KCNN3: variants seen among roughly 807,000 people sequenced by gnomAD.
KCNN3 encodes small conductance calcium-activated potassium channel protein 3.
A neutral mutation model predicts 62.9 loss-of-function variants in KCNN3; 16 were observed. That is an observed-to-expected ratio of 0.25 (90% CI 0.17 to 0.39). The LOEUF is 0.39. Ranked by LOEUF, KCNN3 falls within the 10% of genes least tolerant of loss-of-function variation. The pLI is 1.00. For synonymous variants in KCNN3, 370 were observed against 389.2 expected, an observed-to-expected ratio of 0.95 and a Z score of 0.58; for missense variants, 599 against 949.4, an observed-to-expected ratio of 0.63 and a Z score of 4.85.
chr1:154,850,235 C>T (rs938419377), intron 1 of KCNN3, among the ~76,000 whole-genome samples: 1 of 152,210 alleles, frequency 6.6e-6, no homozygotes, highest in African/African-American at 2.4e-5. Context: ...TCACAAAACT[C>T]CTCCAAGGCA....
chr1:154,815,470 G>A (rs778869348), intron 2 of KCNN3, among the ~76,000 whole-genome samples: 35 of 152,126 alleles, frequency 2.3e-4, no homozygotes, highest in African/African-American at 3.9e-4. Context: ...TCCCTCCTCC[G>A]TGGCCACTTG....
At chr1:154,860,583 T>A (rs76749863) in intron 1 of KCNN3, among the ~76,000 whole-genome samples, 3 of 152,138 alleles carry the variant, frequency 2.0e-5, no homozygotes, top group African/African-American at 7.2e-5. Context: ...ACTTCCTTTT[T>A]ACTCACACAG....
intron 3 of KCNN3, among the ~76,000 whole-genome samples, chr1:154,735,925 C>T (rs1700703615): frequency 6.6e-6 from 1 of 152,226 alleles, no homozygotes; most frequent in Admixed American, 6.5e-5. Flanking sequence ...AAGGCAGCTC[C>T]ACGCCACAAG....
chr1:154,799,613 G>A (rs12737434), intron 2 of KCNN3, among the ~76,000 whole-genome samples: 68,405 of 152,006 alleles, frequency 0.45, 16,522 homozygotes, highest in East Asian at 0.7. Context: ...GGAATTTGCT[G>A]GAAATGCCCT....
intron 5 of KCNN3, among the ~76,000 whole-genome samples, chr1:154,718,838 T>G (rs1450860448): frequency 2.0e-5 from 3 of 152,204 alleles, no homozygotes; most frequent in Non-Finnish European, 4.4e-5. Context: ...ACTTAAAACA[T>G]TAGCACAGAT....
At chr1:154,732,070 C>T (rs1557947000) in intron 4 of KCNN3, among the ~76,000 whole-genome samples, 1 of 152,218 alleles carries the variant, frequency 6.6e-6, no homozygotes, top group African/African-American at 2.4e-5. Context: ...GGCCGCTTCT[C>T]GTTTTCAAAG....
chr1:154,772,601 G>T lies in KCNN3; in HGVS notation c.1030-208C>A, dbSNP rs892528072. On this transcript the variant is annotated intron_variant, in intron 2 of 7. Coordinates refer to ENST00000271915, the MANE Select transcript of KCNN3 (RefSeq NM_002249.6). This position sits in a 1 kb window ranked among gnomAD's most constrained non-coding sequence, Gnocchi z 5.6. The stretch of plus-strand genomic sequence containing the variant: ...GATTCAGTCTACCTGGGAAGCCCTG[G>T]CTAAGACACTTTGACTCTCTTGGCC... 3.3e-5 allele frequency among the ~76,000 whole-genome samples: 5 copies of T among 152,222 alleles called. No individual in the cohort carries two copies.
chr1:154,757,228 A>G (rs1015172089), intron 3 of KCNN3, among the ~76,000 whole-genome samples: 1 of 152,182 alleles, frequency 6.6e-6, no homozygotes, highest in Admixed American at 6.5e-5. Flanking sequence ...GAAACTAACT[A>G]TTGCTTTTAT....
Position 154,701,810 on chromosome 1 carries a change from G to A in KCNN3, c.*6166C>T, listed in dbSNP as rs1699859246. The A allele has an allele frequency of 6.6e-6, 1 of 152,156 alleles. No individual in the cohort carries two copies. The highest frequency in any genetic ancestry group is 2.4e-5 in the African/African-American group (1 of 41,424). 9.4% of individuals were successfully genotyped at this position (152,156 alleles called of 1,614,324 possible). ...TGGGCCTTGTGTAGTTTGGAAAGCC[G>A]ACCCCGGTTTCACGTACATGGAGAA... is the stretch of plus-strand genomic sequence containing the variant. On this transcript the variant is annotated 3_prime_UTR_variant, in exon 8 of 8. Coordinates refer to ENST00000271915, the MANE Select transcript of KCNN3 (RefSeq NM_002249.6).
intron 2 of KCNN3, among the ~76,000 whole-genome samples, chr1:154,817,233 T>G (rs1018253268): frequency 6.6e-6 from 1 of 152,110 alleles, no homozygotes; most frequent in African/African-American, 2.4e-5. Context: ...AAGAAGCATT[T>G]AATAGGGACT....
intron 1 of KCNN3, among the ~76,000 whole-genome samples, chr1:154,856,582 TCTC>T (rs1199336201): frequency 6.6e-6 from 1 of 152,054 alleles, no homozygotes; most frequent in East Asian, 1.9e-4. Context: ...CTAGGATGCT[TCTC>T]CTCACCTGCA....
intron 2 of KCNN3, among the ~76,000 whole-genome samples, chr1:154,777,170 G>A (rs1342096382): frequency 6.6e-6 from 1 of 152,090 alleles, no homozygotes; most frequent in Admixed American, 6.6e-5. Flanking sequence ...CAATCCCCAA[G>A]GTACCTCCTG....
chr1:154,727,786 A>G lies in KCNN3; in HGVS notation c.1591-1760T>C, dbSNP rs989456728. ...TCAATTTAGCCATGCCTCCAAAAGCAAAAAATAGCTTAAAAGAAGCCATCC... is the reference window on the plus strand; with the variant it reads ...TCAATTTAGCCATGCCTCCAAAAGCGAAAAATAGCTTAAAAGAAGCCATCC... On this transcript the variant is annotated intron_variant, in intron 4 of 7. Transcript: ENST00000271915. 5.3e-5 allele frequency among the ~76,000 whole-genome samples: 8 copies of G among 152,350 alleles called. No individual in the cohort carries two copies. In the East Asian group the frequency reaches 1.5e-3, roughly 29 times the overall value.
intron 3 of KCNN3, among the ~76,000 whole-genome samples, chr1:154,749,649 G>A (rs1471073767): frequency 2.0e-5 from 3 of 152,190 alleles, no homozygotes; most frequent in African/African-American, 7.2e-5. Flanking sequence ...CTCAGCAGAG[G>A]TTGCAAAGTA....
intron 5 of KCNN3, among the ~76,000 whole-genome samples, chr1:154,724,312 T>A (rs1264928209): frequency 2.0e-5 from 3 of 152,338 alleles, no homozygotes; most frequent in East Asian, 3.9e-4. Context: ...TTGTCTCTAT[T>A]TCTAACACAT....
intron 1 of KCNN3, among the ~76,000 whole-genome samples, chr1:154,853,698 C>A (rs1414108258): frequency 2.6e-5 from 4 of 152,148 alleles, no homozygotes; most frequent in Admixed American, 6.5e-5. Context: ...AATCCCAGCA[C>A]TTTGGGAGGG....
At chr1:154,838,848 G>A (rs12131447) in intron 1 of KCNN3, among the ~76,000 whole-genome samples, 15,501 of 152,118 alleles carry the variant, frequency 0.1, 861 homozygotes, top group South Asian at 0.12. Context: ...CACAGTGCCT[G>A]GAATGTGAGA....
chr1:154,737,591 G>C (rs1054848050), intron 3 of KCNN3, among the ~76,000 whole-genome samples: 1 of 152,032 alleles, frequency 6.6e-6, no homozygotes, highest in Admixed American at 6.6e-5. Context: ...CATTCACAGA[G>C]AGAACTCTTG....
intron 1 of KCNN3, among the ~76,000 whole-genome samples, chr1:154,842,322 C>A (rs1651866895): frequency 6.6e-6 from 1 of 152,094 alleles, no homozygotes; most frequent in Admixed American, 6.5e-5. Context: ...GTTCAGGCAC[C>A]CACAGAGCCC....
Sources: allele counts gnomAD v4.1 joint callset (sites outside exome capture counted in the v4.1 genomes callset), GRCh38; gene constraint gnomAD v4.1.1; non-coding constraint Gnocchi (gnomAD v3.1); transcripts MANE v1.5; gene names NCBI Gene and HGNC (gene_info 2026-07-23, HGNC 2026-07-21).